Variants in NIPAL3 observed in about 807,000 individuals in gnomAD.
NIPAL3 encodes the protein NIPA like domain containing 3.
NIPAL3 carries 41 observed loss-of-function variants against 47.2 expected under a neutral mutation model. That is an observed-to-expected ratio of 0.87 (90% confidence interval 0.68 to 1.13). NIPAL3 has a LOEUF of 1.13. Ranked by LOEUF, NIPAL3 falls within the 50% of genes most tolerant of loss-of-function variation. NIPAL3 has a pLI of 0.00. For missense variants in NIPAL3, 449 were observed against 530.1 expected, an observed-to-expected ratio of 0.85 and a Z score of 1.50; for synonymous variants, 194 against 209.6, an observed-to-expected ratio of 0.93 and a Z score of 0.64.
chr1:24,440,158 A>T lies in NIPAL3; in HGVS notation c.94-14A>T. The T allele has an allele frequency of 6.4e-7, 1 of 1,571,182 alleles. No individual in the cohort carries two copies. Among genetic ancestry groups the T allele is most frequent in the Non-Finnish European group, 8.6e-7 (1 of 1,158,872 alleles). The stretch of plus-strand genomic sequence containing the variant: ...TGCCCAAATCATGTCCACTCCTGTG[A>T]ACTTTCCTTACAGGAAAACCTGATT... On this transcript the variant is annotated splice_polypyrimidine_tract_variant and intron_variant, in intron 2 of 11. Coordinates refer to ENST00000374399, the MANE Select transcript of NIPAL3 (RefSeq NM_020448.5).
At chr1:24,428,056 A>G (rs1023746319) in intron 2 of NIPAL3, among the ~76,000 whole-genome samples, 7 of 152,158 alleles carry the variant, frequency 4.6e-5, no homozygotes, top group African/African-American at 1.4e-4. Flanking sequence ...CCTGGGCAAC[A>G]TGGTGAAACA....
chr1:24,426,570 A>T (rs1399397058), intron 2 of NIPAL3, among the ~76,000 whole-genome samples: 2 of 152,152 alleles, frequency 1.3e-5, no homozygotes, highest in South Asian at 4.1e-4. Context: ...GTGTACAGTT[A>T]TCCTAAATAT....
rs531709225 is a variant in NIPAL3 at position 24,466,084 on chromosome 1, CT to C, written c.1021+1967del. ...TTTACCACATCACAATTTGGAGAGCCTTTGAGTAATTCAAGCACCTGAAAGA... is the reference window on the plus strand; with the variant it reads ...TTTACCACATCACAATTTGGAGAGCCTTGAGTAATTCAAGCACCTGAAAGA... On this transcript the variant is annotated intron_variant, in intron 11 of 11. Transcript: ENST00000374399. 2.5e-5 allele frequency: 41 copies of C among 1,611,196 alleles called. No homozygotes were observed. In the South Asian group the frequency reaches 4.0e-4, roughly 16 times the overall value.
intron 6 of NIPAL3, among the ~76,000 whole-genome samples, chr1:24,450,186 G>A (rs999024931): frequency 1.3e-5 from 2 of 152,188 alleles, no homozygotes; most frequent in African/African-American, 4.8e-5. Context: ...ATGTGGTCAT[G>A]TAATATACCT....
intron 2 of NIPAL3, among the ~76,000 whole-genome samples, chr1:24,435,033 A>T (rs1342557774): frequency 1.3e-5 from 2 of 152,266 alleles, no homozygotes; most frequent in Non-Finnish European, 2.9e-5. Context: ...TAGTCAAGAC[A>T]ATATGGTACT....
At position 24,430,314 on chromosome 1, in the gene NIPAL3, G is replaced by A. The variant is rs557904444; in HGVS notation, c.94-9858G>A. Among the ~76,000 whole-genome samples, 249 of 130,770 alleles carry A rather than the reference G, an allele frequency of 1.9e-3. 5 individuals are homozygous for A. The South Asian group carries it at 0.032, about 17-fold the overall frequency. 85.8% of individuals were successfully genotyped at this position (130,770 alleles called of 152,430 possible). A position where few individuals can be genotyped will look rare whatever the true frequency, so the allele number is the denominator to read the frequency against. ...CTGGAGTGCAGGAGTGCAATGGCGCGATCTCAGCTCATTGCAACCTCCACC... is the reference window on the plus strand; with the variant it reads ...CTGGAGTGCAGGAGTGCAATGGCGCAATCTCAGCTCATTGCAACCTCCACC... On this transcript the variant is annotated intron_variant, in intron 2 of 11. Transcript: ENST00000374399.
At chr1:24,421,323 G>C (rs1644319856) in intron 2 of NIPAL3, among the ~76,000 whole-genome samples, 1 of 152,026 alleles carries the variant, frequency 6.6e-6, no homozygotes, top group Non-Finnish European at 1.5e-5. Flanking sequence ...CTGCACTCCA[G>C]CCTGGGTGAG....
intron 4 of NIPAL3, among the ~76,000 whole-genome samples, chr1:24,444,526 G>C (rs1645563063): frequency 6.6e-6 from 1 of 152,140 alleles, no homozygotes; most frequent in South Asian, 2.1e-4. Context: ...GTGCCAGCTG[G>C]ATCTAACACC....
chr1:24,456,359 C>CA, intron 8 of NIPAL3, 86 bp downstream of exon 8: 1 of 1,568,992 alleles, frequency 6.4e-7, no homozygotes, highest in Non-Finnish European at 8.7e-7. Context: ...TGTGAAGCCA[C>CA]AAGGAGGCCA....
chr1:24,439,544 T>G (rs1645279863), intron 2 of NIPAL3, among the ~76,000 whole-genome samples: 1 of 152,190 alleles, frequency 6.6e-6, no homozygotes. Context: ...TATTGTTATT[T>G]TTTTCATTTT....
rs1645917038 is a variant in NIPAL3, at chr1:24,451,146, AGAAGGTGG to A, written c.540+1521_540+1528del. 6.6e-6 allele frequency among the ~76,000 whole-genome samples: 1 copy of A among 152,250 alleles called. No homozygotes were observed. Among genetic ancestry groups the A allele is most frequent in the Non-Finnish European group, 1.5e-5 (1 of 68,042 alleles). On this transcript the variant is annotated intron_variant, in intron 6 of 11. Transcript: ENST00000374399. The surrounding 1 kb of genome is among the most constrained non-coding windows in gnomAD (Gnocchi z 4.5). ...CCAGGAAGTAGCATTTAAGTCACCC[AGAAGGTGG>A]TAGATGCTCAGTGAATGATTCTGTT...
At chr1:24,446,518 C>T (rs1232009732) in intron 5 of NIPAL3, among the ~76,000 whole-genome samples, 1 of 151,252 alleles carries the variant, frequency 6.6e-6, no homozygotes, top group Non-Finnish European at 1.5e-5. Context: ...AAAGTGAGGA[C>T]ATGCAGTATT....
intron 1 of NIPAL3, 116 bp from the exon 2 acceptor site, chr1:24,419,175 C>A: frequency 7.8e-6 from 3 of 385,322 alleles, no homozygotes; most frequent in Non-Finnish European, 1.1e-5. Flanking sequence ...TTTTAATGGA[C>A]TCACTTGTCA....
chr1:24,467,820 A>G (rs979920814), intron 11 of NIPAL3, among the ~76,000 whole-genome samples: 1 of 152,188 alleles, frequency 6.6e-6, no homozygotes, highest in East Asian at 1.9e-4. Context: ...TTTGAGCCCC[A>G]GGTATTCAAG....
chr1:24,446,374 G>A (rs929919190), intron 5 of NIPAL3, among the ~76,000 whole-genome samples: 14 of 151,986 alleles, frequency 9.2e-5, no homozygotes, highest in African/African-American at 3.4e-4. Context: ...CCATCACCTA[G>A]GTATTAAGCC....
chr1:24,452,999 G>GC (rs1646017431), intron 6 of NIPAL3, among the ~76,000 whole-genome samples: 1 of 151,962 alleles, frequency 6.6e-6, no homozygotes, highest in African/African-American at 2.4e-5. Context: ...ACCGTGCCTG[G>GC]CCTCACATTC....
intron 2 of NIPAL3, among the ~76,000 whole-genome samples, chr1:24,422,463 G>T (rs932959751): frequency 6.6e-6 from 1 of 152,022 alleles, no homozygotes; most frequent in African/African-American, 2.4e-5. Flanking sequence ...TGAAATACCT[G>T]GGGAGCTCTA....
chr1:24,428,077 T>C (rs1298311864), intron 2 of NIPAL3, among the ~76,000 whole-genome samples: 1 of 152,012 alleles, frequency 6.6e-6, no homozygotes, highest in East Asian at 1.9e-4. Flanking sequence ...CCGTCTCTAC[T>C]AAAAATACAA....
At chr1:24,441,587 C>A (rs1334998269) in intron 3 of NIPAL3, among the ~76,000 whole-genome samples, 1 of 152,210 alleles carries the variant, frequency 6.6e-6, no homozygotes, top group Non-Finnish European at 1.5e-5. Flanking sequence ...GAGCTGCTGG[C>A]ATGTAGACAG....
Sources: gnomAD v4.1 joint callset for allele counts (sites outside exome capture counted in the v4.1 genomes callset) on GRCh38, gnomAD v4.1.1 for gene constraint, Gnocchi (gnomAD v3.1) non-coding constraint, MANE v1.5 for transcripts, NCBI Gene and HGNC (gene_info 2026-07-23, HGNC 2026-07-21) for gene names.